CNTNAP2: variants seen among roughly 807,000 people sequenced by gnomAD.
The protein encoded by CNTNAP2 is contactin-associated protein-like 2.
In CNTNAP2, 98 loss-of-function variants were observed where a neutral mutation model predicts 155.2. The ratio of observed to expected loss-of-function variants is 0.63; its 90% CI spans 0.54 to 0.75. CNTNAP2 has a LOEUF of 0.75. Among genes scored for constraint, CNTNAP2 ranks in the 30% least tolerant of loss-of-function variants. The pLI, the probability that CNTNAP2 is intolerant of heterozygous loss-of-function variation, is 0.00. For missense variants in CNTNAP2, 1,727 were observed against 1,688.1 expected, an observed-to-expected ratio of 1.02 and a Z score of -0.40; for synonymous variants, 651 against 631.2, an observed-to-expected ratio of 1.03 and a Z score of -0.47.
intron 15 of CNTNAP2, among the ~76,000 whole-genome samples, chr7:148,114,677 G>A (rs140321110): frequency 1.4e-3 from 215 of 152,256 alleles, no homozygotes; most frequent in Non-Finnish European, 2.1e-3. Context: ...TGGAGCAGAA[G>A]CATCCATGAT....
At chr7:146,128,552 G>A (rs1187203342) in intron 1 of CNTNAP2, among the ~76,000 whole-genome samples, 3 of 152,124 alleles carry the variant, frequency 2.0e-5, no homozygotes, top group South Asian at 4.2e-4. Flanking sequence ...AGACTTAGTC[G>A]CTACTACTTT....
At chr7:147,541,418 T>C (rs1799636327) in intron 11 of CNTNAP2, among the ~76,000 whole-genome samples, 1 of 152,196 alleles carries the variant, frequency 6.6e-6, no homozygotes, top group Non-Finnish European at 1.5e-5. Context: ...ACACTCAGCA[T>C]AGAATATGAC....
intron 1 of CNTNAP2, among the ~76,000 whole-genome samples, chr7:146,587,789 C>T (rs1798717200): frequency 6.6e-6 from 1 of 152,042 alleles, no homozygotes; most frequent in African/African-American, 2.4e-5. Flanking sequence ...TCTCCTGCCT[C>T]AGCCTCCTGA....
At chr7:146,588,938 A>G (rs1187381481) in intron 1 of CNTNAP2, among the ~76,000 whole-genome samples, 1 of 149,702 alleles carries the variant, frequency 6.7e-6, no homozygotes, top group Non-Finnish European at 1.5e-5. Context: ...CTGCAATATT[A>G]AACTGCTTTA....
chr7:147,362,350 G>T (rs181785005), intron 9 of CNTNAP2, among the ~76,000 whole-genome samples: 40 of 152,246 alleles, frequency 2.6e-4, no homozygotes, highest in African/African-American at 8.9e-4. Flanking sequence ...GCCCAGGCTG[G>T]TCTCAGACTC....
At chr7:146,553,903 T>C (rs1347976480) in intron 1 of CNTNAP2, among the ~76,000 whole-genome samples, 1 of 152,214 alleles carries the variant, frequency 6.6e-6, no homozygotes, top group Admixed American at 6.5e-5. Flanking sequence ...AATAGGTGAA[T>C]ATAAAATGAT....
intron 8 of CNTNAP2, among the ~76,000 whole-genome samples, chr7:147,230,907 T>C (rs1383986139): frequency 1.3e-5 from 2 of 152,208 alleles, no homozygotes; most frequent in Non-Finnish European, 2.9e-5. Flanking sequence ...GCTATAAAGA[T>C]ACTACCTGAG....
chr7:148,296,514 T>C (rs1193567454), intron 21 of CNTNAP2, among the ~76,000 whole-genome samples: 2 of 116,836 alleles, frequency 1.7e-5, no homozygotes, highest in African/African-American at 6.6e-5. Flanking sequence ...CTGCTGCACT[T>C]CAGCCTGGGA....
chr7:147,625,440 T>C (rs1274456183), intron 12 of CNTNAP2, among the ~76,000 whole-genome samples: 1 of 152,210 alleles, frequency 6.6e-6, no homozygotes, highest in Non-Finnish European at 1.5e-5. Context: ...AAAGGAGTTA[T>C]TGCAATGTGT....
intron 1 of CNTNAP2, among the ~76,000 whole-genome samples, chr7:146,414,082 A>G (rs1377104415): frequency 2.0e-5 from 3 of 152,228 alleles, no homozygotes; most frequent in Non-Finnish European, 2.9e-5. Context: ...TTATGTTTCT[A>G]TAAACAGCCA....
intron 13 of CNTNAP2, among the ~76,000 whole-genome samples, chr7:147,870,127 C>CAG (rs1799302703): frequency 2.0e-5 from 3 of 152,080 alleles, no homozygotes; most frequent in Non-Finnish European, 4.4e-5. Flanking sequence ...CTCCAAGAAG[C>CAG]AGATGCCAAG....
chr7:146,136,639 T>G (rs1244551336), intron 1 of CNTNAP2, among the ~76,000 whole-genome samples: 1 of 148,144 alleles, frequency 6.8e-6, no homozygotes, highest in African/African-American at 2.5e-5. Context: ...GTGTGATTGT[T>G]GGTTAGTCTG....
intron 1 of CNTNAP2, among the ~76,000 whole-genome samples, chr7:146,657,491 T>C (rs73470671): frequency 0.041 from 6,190 of 152,254 alleles, 439 homozygotes; most frequent in African/African-American, 0.14. Flanking sequence ...ACAAGTTTTC[T>C]GAGTTGCTCT....
At chr7:146,426,718 G>A (rs114512031) in intron 1 of CNTNAP2, among the ~76,000 whole-genome samples, 1,974 of 151,220 alleles carry the variant, frequency 0.013, 42 homozygotes, top group African/African-American at 0.046. Context: ...TATTGGAGAC[G>A]TGTTGTTCAA....
chr7:146,700,514 A>G (rs1005226759), intron 1 of CNTNAP2, among the ~76,000 whole-genome samples: 3 of 152,130 alleles, frequency 2.0e-5, no homozygotes, highest in African/African-American at 7.2e-5. Flanking sequence ...AAGCTCAATT[A>G]TACCTAAAGG....
intron 15 of CNTNAP2, among the ~76,000 whole-genome samples, chr7:148,070,677 C>G (rs1033501424): frequency 2.0e-5 from 3 of 152,180 alleles, no homozygotes; most frequent in Non-Finnish European, 4.4e-5. Context: ...GAGATCACAC[C>G]ACTGCACTCC....
intron 13 of CNTNAP2, chr7:147,672,974 GC>G (rs1194863547): frequency 4.6e-5 from 7 of 152,068 alleles, no homozygotes; most frequent in African/African-American, 1.7e-4. Flanking sequence ...TCTATACCTG[GC>G]CATAATAATG....
chr7:148,304,803 C>G (rs890856994), intron 21 of CNTNAP2, among the ~76,000 whole-genome samples: 18 of 152,132 alleles, frequency 1.2e-4, no homozygotes, highest in African/African-American at 4.1e-4. Flanking sequence ...TCCATGGCCT[C>G]CTCCCCTCCA....
At chr7:146,677,455 G>T (rs572349194) in intron 1 of CNTNAP2, among the ~76,000 whole-genome samples, 1 of 152,244 alleles carries the variant, frequency 6.6e-6, no homozygotes, top group South Asian at 2.1e-4. Context: ...CTGCATTGGT[G>T]GTAACAAGGC....
Sources: gnomAD v4.1 joint callset for allele counts (sites outside exome capture counted in the v4.1 genomes callset) on GRCh38, gnomAD v4.1.1 for gene constraint, MANE v1.5 for transcripts, NCBI Gene and HGNC (gene_info 2026-07-23, HGNC 2026-07-21) for gene names.